The following SLC22A2 variants were observed in gnomAD, a reference collection of about 807,000 sequenced individuals.
SLC22A2 encodes organic cation transporter 2.
Under a neutral mutation model 60.5 loss-of-function variants are expected in SLC22A2, and 46 were observed. The observed-to-expected ratio is 0.76, with a 90% confidence interval of 0.60 to 0.97. The LOEUF (loss-of-function observed/expected upper bound fraction) is 0.97, where lower values mean the gene tolerates loss of function less well. Among genes scored for constraint, SLC22A2 ranks in the 50% least tolerant of loss-of-function variants. The probability of loss-of-function intolerance (pLI) is 0.00; values close to 1 mark genes in which losing one functional copy is unlikely to be tolerated. For synonymous variants in SLC22A2, 303 were observed against 267.0 expected, an observed-to-expected ratio of 1.13 and a Z score of -1.31; for missense variants, 701 against 706.6, an observed-to-expected ratio of 0.99 and a Z score of 0.09.
intron 2 of SLC22A2, among the ~76,000 whole-genome samples, chr6:160,255,650 T>C (rs1305300688): frequency 6.6e-6 from 1 of 152,218 alleles, no homozygotes; most frequent in African/African-American, 2.4e-5. Flanking sequence ...TGTATCACTA[T>C]CTCACTAGGT....
At chr6:160,250,160 C>T (rs1783159481) in intron 3 of SLC22A2, among the ~76,000 whole-genome samples, 1 of 152,108 alleles carries the variant, frequency 6.6e-6, no homozygotes, top group African/African-American at 2.4e-5. Flanking sequence ...TTGTAGTTCA[C>T]TAGAATAGAT....
At chr6:160,243,830 A>G in intron 6 of SLC22A2, 44 bp from the exon 7 acceptor site, 1 of 1,397,460 alleles carries the variant, frequency 7.2e-7, no homozygotes, top group Non-Finnish European at 1.0e-6. Flanking sequence ...CACCAAACAC[A>G]GGGCACCAAA....
chr6:160,243,640 C>T lies in SLC22A2; in HGVS notation c.1211G>A (p.Arg404His), dbSNP rs567153149. 56 of 1,613,986 alleles carry T rather than the reference C, an allele frequency of 3.5e-5. No individual in the cohort carries two copies. The highest frequency in any genetic ancestry group is 1.7e-4 in the Middle Eastern group (1 of 6,060). Residue 404 changes from arginine (R) to histidine (H), a missense_variant, in exon 7 of 11, where the codon CGT becomes CAT. Arg to His is a conservative substitution (Grantham distance 29). Transcript: ENST00000366953. ...IILTIDRIGR[R>H]YPWAASNMVA... is the part of the protein sequence containing the mutation. ...CATATTTGATGCAGCCCAAGGGTAA[C>T]GGCGTCCGATGCGGTCGATGGTGAG... is the stretch of plus-strand genomic sequence containing the variant.
chr6:160,256,888 TTCTCTC>T lies in SLC22A2; in HGVS notation c.415-177_415-172del, dbSNP rs58095836. Among the ~76,000 whole-genome samples the T allele has an allele frequency of 1.6e-3, 221 of 134,696 alleles. 2 individuals carry two copies. Among genetic ancestry groups the T allele is most frequent in the South Asian group, 0.01 (45 of 4,302 alleles). 88.4% of individuals were successfully genotyped at this position (134,696 alleles called of 152,430 possible). On this transcript the variant is annotated intron_variant, in intron 1 of 10. Transcript: ENST00000366953. Reference sequence around the variant, plus strand: ...CTTGATCATGCCAATTTTCTTCTTCTTCTCTCTCTCTCTCTTTTTTTTTTTTTTTTG... The same window carrying T: ...CTTGATCATGCCAATTTTCTTCTTCTTCTCTCTCTTTTTTTTTTTTTTTTG...
chr6:160,248,785 G>A (rs1279486118), intron 4 of SLC22A2, among the ~76,000 whole-genome samples: 1 of 152,178 alleles, frequency 6.6e-6, no homozygotes, highest in Non-Finnish European at 1.5e-5. Flanking sequence ...ATTCACTGGG[G>A]ATGTCTGCCT....
At chr6:160,218,711 ACAG>A in intron 10 of SLC22A2, among the ~76,000 whole-genome samples, 1 of 122,320 alleles carries the variant, frequency 8.2e-6, no homozygotes, top group East Asian at 2.9e-4. Context: ...AGCAACAGCA[ACAG>A]CAGCAGCAAC....
intron 9 of SLC22A2, among the ~76,000 whole-genome samples, chr6:160,227,549 C>A (rs1332376276): frequency 6.6e-6 from 1 of 152,220 alleles, no homozygotes; most frequent in African/African-American, 2.4e-5. Context: ...CTCAGGACCT[C>A]TTGAGACTGT....
At chr6:160,230,105 C>G (rs1290530483) in intron 9 of SLC22A2, among the ~76,000 whole-genome samples, 1 of 151,782 alleles carries the variant, frequency 6.6e-6, no homozygotes, top group Non-Finnish European at 1.5e-5. Context: ...TTTCTACAGA[C>G]TCATCTGACC....
chr6:160,241,157 G>A (rs1321313810), intron 9 of SLC22A2, among the ~76,000 whole-genome samples: 1 of 152,120 alleles, frequency 6.6e-6, no homozygotes, highest in Non-Finnish European at 1.5e-5. Context: ...GCCTGCTGCT[G>A]GGAAACTTTC....
intron 2 of SLC22A2, among the ~76,000 whole-genome samples, chr6:160,255,181 T>C (rs1783249575): frequency 6.6e-6 from 1 of 152,168 alleles, no homozygotes; most frequent in Non-Finnish European, 1.5e-5. Context: ...CTTGCAAGCC[T>C]CCCGCAGAAA....
intron 9 of SLC22A2, among the ~76,000 whole-genome samples, chr6:160,238,303 G>C (rs1782944472): frequency 6.6e-6 from 1 of 152,202 alleles, no homozygotes; most frequent in Non-Finnish European, 1.5e-5. Flanking sequence ...TACAGTGGAA[G>C]TGCCTATTAA....
intron 9 of SLC22A2, among the ~76,000 whole-genome samples, chr6:160,232,479 A>G (rs912096393): frequency 1.3e-5 from 2 of 151,952 alleles, no homozygotes; most frequent in East Asian, 3.9e-4. Flanking sequence ...CAATATTAAT[A>G]CTGACTCTAA....
intron 9 of SLC22A2, among the ~76,000 whole-genome samples, chr6:160,228,773 C>A (rs190181236): frequency 6.6e-6 from 1 of 151,904 alleles, no homozygotes; most frequent in South Asian, 2.1e-4. Context: ...CCTGACTTAA[C>A]TGATGACATT....
intron 9 of SLC22A2, among the ~76,000 whole-genome samples, chr6:160,238,335 C>A (rs1782944869): frequency 6.6e-6 from 1 of 152,184 alleles, no homozygotes; most frequent in Non-Finnish European, 1.5e-5. Context: ...CTCAAAATGT[C>A]TCCAAGCCTC....
intron 9 of SLC22A2, among the ~76,000 whole-genome samples, chr6:160,235,790 T>C (rs547333480): frequency 1.3e-5 from 2 of 152,130 alleles, no homozygotes; most frequent in Non-Finnish European, 2.9e-5. Flanking sequence ...TAGATATGTC[T>C]ATGAAGGTTT....
chr6:160,239,940 G>A (rs1040243558), intron 9 of SLC22A2, among the ~76,000 whole-genome samples: 2 of 152,176 alleles, frequency 1.3e-5, no homozygotes, highest in African/African-American at 4.8e-5. Flanking sequence ...CAAATTCCGT[G>A]AGAAGAAGGG....
At chr6:160,255,771 C>T (rs1301698458) in intron 2 of SLC22A2, among the ~76,000 whole-genome samples, 1 of 152,136 alleles carries the variant, frequency 6.6e-6, no homozygotes, top group Non-Finnish European at 1.5e-5. Context: ...CCCTGACGGC[C>T]AAGTTATCTA....
intron 9 of SLC22A2, among the ~76,000 whole-genome samples, chr6:160,236,342 A>G (rs978011674): frequency 6.6e-6 from 1 of 152,156 alleles, no homozygotes; most frequent in Non-Finnish European, 1.5e-5. Context: ...TTTGCTTAAA[A>G]CGTTGCTGAT....
intron 7 of SLC22A2, 126 bp from the exon 8 acceptor site, chr6:160,242,528 C>A (rs1224469010): frequency 2.0e-5 from 13 of 653,590 alleles, no homozygotes; most frequent in Non-Finnish European, 3.4e-5. Context: ...AAAATGACTT[C>A]TTCTATAGGC....
Sources: allele counts gnomAD v4.1 joint callset (sites outside exome capture counted in the v4.1 genomes callset), GRCh38; gene constraint gnomAD v4.1.1; transcripts MANE v1.5; gene names NCBI Gene and HGNC (gene_info 2026-07-23, HGNC 2026-07-21).